FAM13A: variants seen among roughly 807,000 people sequenced by gnomAD.
FAM13A encodes protein FAM13A.
In FAM13A, 76 loss-of-function variants were observed where a neutral mutation model predicts 129.6. The ratio of observed to expected loss-of-function variants is 0.59; its 90% CI spans 0.49 to 0.71. The LOEUF (loss-of-function observed/expected upper bound fraction) is 0.71, where lower values mean the gene tolerates loss of function less well. Ranked by LOEUF, FAM13A falls within the 30% of genes least tolerant of loss-of-function variation. The pLI is 0.00. For synonymous variants in FAM13A, 443 were observed against 449.9 expected, an observed-to-expected ratio of 0.98 and a Z score of 0.20; for missense variants, 1,108 against 1,249.3, an observed-to-expected ratio of 0.89 and a Z score of 1.70.
Position 88,851,059 on chromosome 4 carries a change from T to C in FAM13A, c.968A>G (p.Asn323Ser). Reference protein sequence around the residue: ...SYRKACLEDMNSAEGAISAKL... With the variant: ...SYRKACLEDMSSAEGAISAKL... ...GGCACTAATAGCACCCTCTGCTGAA[T>C]TCATGTCTTCCAAGCAGGCTTTTCT... The change falls in exon 7 of 24, where the codon AAT becomes AGT. Residue 323 changes from asparagine (N) to serine (S), a missense_variant. Asn to Ser is a conservative substitution (Grantham distance 46, BLOSUM62 1). This residue lies in a region of FAM13A where 566 missense variants were observed against 595.7 expected (regional missense o/e 0.95). Coordinates refer to ENST00000264344, the MANE Select transcript of FAM13A (RefSeq NM_014883.4). 1 of 1,614,028 alleles carries C rather than the reference T, an allele frequency of 6.2e-7. No individual in the cohort carries two copies. Among genetic ancestry groups the C allele is most frequent in the Non-Finnish European group, 8.5e-7 (1 of 1,180,002 alleles).
At chr4:89,036,347 G>C (rs1434907078) in intron 1 of FAM13A, among the ~76,000 whole-genome samples, 1 of 152,158 alleles carries the variant, frequency 6.6e-6, no homozygotes, top group African/African-American at 2.4e-5. Flanking sequence ...GAACTTAAGA[G>C]AGATGATTTA....
chr4:88,962,835 T>C (rs1758808104), intron 4 of FAM13A, among the ~76,000 whole-genome samples: 1 of 152,134 alleles, frequency 6.6e-6, no homozygotes, highest in Non-Finnish European at 1.5e-5. Context: ...TTCCAAAACA[T>C]AAGGGAATAC....
At chr4:88,747,505 A>C in intron 18 of FAM13A, 126 bp downstream of exon 18, 2 of 775,210 alleles carry the variant, frequency 2.6e-6, no homozygotes, top group South Asian at 3.3e-5. Context: ...GCTTCCCTAG[A>C]CACGTAACAG....
At chr4:89,050,606 C>T (rs932104101) in intron 1 of FAM13A, among the ~76,000 whole-genome samples, 3 of 151,796 alleles carry the variant, frequency 2.0e-5, no homozygotes, top group Admixed American at 6.6e-5. Context: ...CTGTAGTCTG[C>T]GTGGGATGAA....
rs1311309468 is a variant in FAM13A, at chr4:88,729,075, TTTTTTC to T, written c.2946-422_2946-417del. On this transcript the variant is annotated intron_variant, in intron 23 of 23. Transcript: ENST00000264344. ...CACAACTTAGTTTTTTTTTTTTTTT[TTTTTTC>T]CAAAAACAGATAGTTAATACTCCTA... The T allele has an allele frequency of 2.6e-3, 404 of 153,232 alleles. 2 individuals carry two copies. The highest frequency in any genetic ancestry group is 0.01 in the Middle Eastern group (3 of 296). 9.5% of individuals were successfully genotyped at this position (153,232 alleles called of 1,614,324 possible).
chr4:88,781,847 G>A (rs1457857802), intron 10 of FAM13A, among the ~76,000 whole-genome samples: 3 of 149,868 alleles, frequency 2.0e-5, no homozygotes, highest in African/African-American at 4.9e-5. Flanking sequence ...TTGTGGGGTG[G>A]GGGGAGCGGG....
chr4:89,032,055 T>C (rs1004722366), intron 1 of FAM13A, among the ~76,000 whole-genome samples: 3 of 151,502 alleles, frequency 2.0e-5, no homozygotes, highest in Non-Finnish European at 4.4e-5. Context: ...CCATCTCTAC[T>C]AAAAATACAA....
At chr4:88,760,164 C>T (rs60860554) in intron 13 of FAM13A, among the ~76,000 whole-genome samples, 2,472 of 152,310 alleles carry the variant, frequency 0.016, 70 homozygotes, top group African/African-American at 0.057. Context: ...AGCCACCCAA[C>T]CAACCCACTT....
At chr4:88,958,505 G>A (rs1371990486) in intron 4 of FAM13A, among the ~76,000 whole-genome samples, 1 of 152,238 alleles carries the variant, frequency 6.6e-6, no homozygotes, top group Non-Finnish European at 1.5e-5. Context: ...GAGAATGCAA[G>A]CTGTAAGTCT....
chr4:88,932,646 G>C (rs549163216), intron 5 of FAM13A, among the ~76,000 whole-genome samples: 1 of 152,154 alleles, frequency 6.6e-6, no homozygotes, highest in African/African-American at 2.4e-5. Context: ...TATGGGAAAT[G>C]GTTTAGGAAG....
chr4:88,856,597 T>C lies in FAM13A; in HGVS notation c.844-5414A>G, dbSNP rs993768291. On this transcript the variant is annotated intron_variant, in intron 6 of 23. Coordinates refer to ENST00000264344, the MANE Select transcript of FAM13A (RefSeq NM_014883.4). Reference sequence around the variant, plus strand: ...GGACTCCATATTCTTCATCAGGTACTCTGAGAAGTGATTAGGAAAGGACAG... The same window carrying C: ...GGACTCCATATTCTTCATCAGGTACCCTGAGAAGTGATTAGGAAAGGACAG... Among the ~76,000 whole-genome samples the C allele has an allele frequency of 1.8e-4, 28 of 152,220 alleles. 1 individual carries two copies. Among genetic ancestry groups the C allele is most frequent in the Admixed American group, 1.2e-3 (19 of 15,286 alleles).
chr4:88,854,873 T>G (rs1738230987), intron 6 of FAM13A, among the ~76,000 whole-genome samples: 1 of 152,250 alleles, frequency 6.6e-6, no homozygotes, highest in African/African-American at 2.4e-5. Flanking sequence ...AACATTCTCT[T>G]AAATCCTGGT....
At chr4:88,788,039 T>G in intron 9 of FAM13A, 107 bp from the exon 10 acceptor site, 2 of 786,064 alleles carry the variant, frequency 2.5e-6, no homozygotes, top group Non-Finnish European at 3.9e-6. Flanking sequence ...CAGTGGAAAG[T>G]CTTTAGAACT....
At chr4:89,022,251 T>C (rs1032737172) in intron 2 of FAM13A, among the ~76,000 whole-genome samples, 4 of 152,152 alleles carry the variant, frequency 2.6e-5, no homozygotes, top group African/African-American at 9.7e-5. Context: ...TAAAATACTT[T>C]TAAGTTCTTT....
At chr4:88,850,558 A>G (rs1157867309) in intron 7 of FAM13A, among the ~76,000 whole-genome samples, 1 of 151,412 alleles carries the variant, frequency 6.6e-6, no homozygotes. Context: ...CTGTGTCTCA[A>G]AAAAAAAAAT....
intron 5 of FAM13A, among the ~76,000 whole-genome samples, chr4:88,920,967 T>C (rs1199819842): frequency 1.3e-5 from 2 of 151,784 alleles, no homozygotes; most frequent in Non-Finnish European, 2.9e-5. Context: ...GAAGATGAAA[T>C]GAATGAAATG....
intron 3 of FAM13A, among the ~76,000 whole-genome samples, chr4:88,999,899 AT>A (rs1273140836): frequency 2.6e-5 from 4 of 152,168 alleles, no homozygotes; most frequent in Non-Finnish European, 4.4e-5. Context: ...AATTTTTAAT[AT>A]TTTTTATGTA....
chr4:89,015,109 A>G lies in FAM13A; in HGVS notation c.427+5351T>C, dbSNP rs541194606. Among the ~76,000 whole-genome samples the G allele has an allele frequency of 2.0e-4, 31 of 152,286 alleles. 1 individual carries two copies. In the East Asian group the frequency reaches 5.6e-3, roughly 28 times the overall value. On this transcript the variant is annotated intron_variant, in intron 3 of 23. Coordinates refer to ENST00000264344, the MANE Select transcript of FAM13A (RefSeq NM_014883.4). ...GATGAAATAAGCCCTGGTCTCCTGT[A>G]GCGCTCCCAGGCCTATTAGGACGAG...
intron 2 of FAM13A, among the ~76,000 whole-genome samples, chr4:89,025,217 T>A (rs1767767765): frequency 6.7e-6 from 1 of 148,562 alleles, no homozygotes; most frequent in Non-Finnish European, 1.5e-5. Flanking sequence ...TCAAATGCCA[T>A]ATGCTAAAGG....
Sources: allele counts gnomAD v4.1 joint callset (sites outside exome capture counted in the v4.1 genomes callset), GRCh38; gene constraint gnomAD v4.1.1; regional missense constraint gnomAD v4.1.1; transcripts MANE v1.5; gene names NCBI Gene and HGNC (gene_info 2026-07-23, HGNC 2026-07-21).